Variants in MEF2C observed in about 807,000 individuals in gnomAD.
MEF2C encodes the protein myocyte-specific enhancer factor 2C.
A neutral mutation model predicts 50.5 loss-of-function variants in MEF2C; 6 were observed. The ratio of observed to expected loss-of-function variants is 0.12; its 90% CI spans 0.07 to 0.23. The LOEUF (loss-of-function observed/expected upper bound fraction) is 0.23. Among genes scored for constraint, MEF2C ranks in the 10% least tolerant of loss-of-function variants. The pLI, the probability that MEF2C is intolerant of heterozygous loss-of-function variation, is 1.00. For synonymous variants in MEF2C, 183 were observed against 228.0 expected (o/e 0.80, Z 1.78); for missense variants, 276 against 605.0 (o/e 0.46, Z 5.70).
At chr5:88,856,442 G>C (rs1377188121) in intron 1 of MEF2C, among the ~76,000 whole-genome samples, 2 of 152,184 alleles carry the variant, frequency 1.3e-5, no homozygotes, top group Non-Finnish European at 2.9e-5. Flanking sequence ...CAAGCCAGCT[G>C]CAGAAATTTG....
At chr5:88,842,803 A>G (rs1394727803) in intron 1 of MEF2C, among the ~76,000 whole-genome samples, 2 of 152,204 alleles carry the variant, frequency 1.3e-5, no homozygotes, top group East Asian at 3.8e-4. Context: ...GAATCTAAAT[A>G]ATAATAATCT....
At chr5:88,724,340 T>C (rs193215617) in intron 10 of MEF2C, among the ~76,000 whole-genome samples, 26 of 152,190 alleles carry the variant, frequency 1.7e-4, no homozygotes, top group Admixed American at 8.5e-4. Flanking sequence ...TCAAGATGTA[T>C]AGTGATATAA....
At chr5:88,790,244 A>G (rs1580745105) in intron 3 of MEF2C, among the ~76,000 whole-genome samples, 1 of 152,216 alleles carries the variant, frequency 6.6e-6, no homozygotes, top group African/African-American at 2.4e-5. Flanking sequence ...TTATAGCATG[A>G]TTCTAACCCT....
chr5:88,728,957 A>G (rs980310805), intron 9 of MEF2C, among the ~76,000 whole-genome samples: 1 of 152,196 alleles, frequency 6.6e-6, no homozygotes, highest in African/African-American at 2.4e-5. Flanking sequence ...TGAGCTTTTT[A>G]TTACATCAAA....
intron 5 of MEF2C, chr5:88,751,126 T>C: frequency 2.0e-6 from 2 of 979,318 alleles, no homozygotes; most frequent in Non-Finnish European, 2.4e-6. Flanking sequence ...TTAAATCCAG[T>C]ATCAAAATAG....
chr5:88,821,094 T>TA (rs1345498836), intron 2 of MEF2C, among the ~76,000 whole-genome samples: 1 of 152,090 alleles, frequency 6.6e-6, no homozygotes, highest in South Asian at 2.1e-4. Context: ...CTTCAGAATT[T>TA]AAAAAAATGA....
At chr5:88,731,965 AC>A in intron 6 of MEF2C, 64 bp from the exon 7 acceptor site, 1 of 1,424,874 alleles carries the variant, frequency 7.0e-7, no homozygotes, top group Non-Finnish European at 9.5e-7. Flanking sequence ...TCCGAAGAAT[AC>A]ACAACATGAG....
chr5:88,860,553 T>C (rs1825147439), intron 1 of MEF2C, among the ~76,000 whole-genome samples: 1 of 152,218 alleles, frequency 6.6e-6, no homozygotes. Flanking sequence ...AGTCTTAGGT[T>C]ATGTCTGTGT....
Position 88,889,079 on chromosome 5 carries a change from A to G in MEF2C, c.-239-1481T>C, listed in dbSNP as rs537300814. On this transcript the variant is annotated intron_variant, in intron 1 of 11. Coordinates refer to the MEF2C transcript ENST00000340208. ...GGGTTGTGGTGGAAGTGGGGATTAAAAATCTCGTCCTGCGTTTTGGTGCCC... is the reference window on the plus strand; with the variant it reads ...GGGTTGTGGTGGAAGTGGGGATTAAGAATCTCGTCCTGCGTTTTGGTGCCC... 2.6e-5 allele frequency: 4 copies of G among 152,324 alleles called. No homozygotes were observed. In the East Asian group the frequency reaches 5.8e-4, roughly 22 times the overall value. The allele number at this position is 152,324 out of a possible 1,614,324, so 9.4% of individuals were successfully genotyped here.
rs1463574392 is a variant in MEF2C, at chr5:88,721,275, T to G, written c.*1329A>C. ...AATTCCAAGATGCATGGTGAAATGGTGAGATCAGAAAGGGGCCCTGCATTT... is the reference window on the plus strand; with the variant it reads ...AATTCCAAGATGCATGGTGAAATGGGGAGATCAGAAAGGGGCCCTGCATTT... On this transcript the variant is annotated 3_prime_UTR_variant, in exon 11 of 11. Coordinates refer to ENST00000504921, the MANE Select transcript of MEF2C (RefSeq NM_002397.5). The G allele has an allele frequency of 6.6e-6, 1 of 152,446 alleles. No individual in the cohort carries two copies. Among genetic ancestry groups the G allele is most frequent in the Non-Finnish European group, 1.5e-5 (1 of 67,984 alleles). 9.4% of individuals were successfully genotyped at this position (152,446 alleles called of 1,614,324 possible).
At chr5:88,852,933 T>C (rs148610390) in intron 1 of MEF2C, among the ~76,000 whole-genome samples, 2 of 149,256 alleles carry the variant, frequency 1.3e-5, no homozygotes, top group African/African-American at 4.9e-5. Context: ...AAAAAAAGAA[T>C]GTAGTTCTAG....
intron 1 of MEF2C, among the ~76,000 whole-genome samples, chr5:88,866,926 T>C (rs1827578186): frequency 6.6e-6 from 1 of 152,236 alleles, no homozygotes; most frequent in Non-Finnish European, 1.5e-5. Context: ...TAAATTACTA[T>C]GATTCTTGCA....
chr5:88,748,040 A>T, intron 6 of MEF2C: 1 of 984,214 alleles, frequency 1.0e-6, no homozygotes, highest in Non-Finnish European at 1.2e-6. Flanking sequence ...CTTGTTTGCT[A>T]ATCACTGTGT....
chr5:88,843,878 C>T (rs1184088831), intron 1 of MEF2C, among the ~76,000 whole-genome samples: 5 of 149,786 alleles, frequency 3.3e-5, no homozygotes, highest in East Asian at 2.0e-4. Context: ...GGTGCAATCT[C>T]GGCTCACCGC....
intron 2 of MEF2C, among the ~76,000 whole-genome samples, chr5:88,814,889 TCA>T (rs1804620723): frequency 6.6e-6 from 1 of 152,142 alleles, no homozygotes; most frequent in African/African-American, 2.4e-5. Flanking sequence ...GTTAACTTGA[TCA>T]GGATATAAGA....
At chr5:88,772,386 G>T (rs1782760404) in intron 3 of MEF2C, 1 of 152,234 alleles carries the variant, frequency 6.6e-6, no homozygotes. Flanking sequence ...TTTACGTTCA[G>T]TTGACAGCCA....
intron 3 of MEF2C, among the ~76,000 whole-genome samples, chr5:88,785,699 A>G (rs1562020756): frequency 6.6e-6 from 1 of 152,204 alleles, no homozygotes; most frequent in Admixed American, 6.5e-5. Context: ...ATTTTACAAT[A>G]CTTTCATTTA....
chr5:88,855,067 C>T (rs1413770140), intron 1 of MEF2C, among the ~76,000 whole-genome samples: 1 of 152,194 alleles, frequency 6.6e-6, no homozygotes, highest in Non-Finnish European at 1.5e-5. Context: ...AGAAAGGGTG[C>T]TGGACCCCGT....
chr5:88,734,921 T>C, intron 6 of MEF2C: 1 of 984,512 alleles, frequency 1.0e-6, no homozygotes, highest in Non-Finnish European at 1.2e-6. Flanking sequence ...ATCAAGTTAT[T>C]TTTAAGAACA....
Sources: gnomAD v4.1 joint callset for allele counts (sites outside exome capture counted in the v4.1 genomes callset) on GRCh38, gnomAD v4.1.1 for gene constraint, MANE v1.5 for transcripts, NCBI Gene and HGNC (gene_info 2026-07-23, HGNC 2026-07-21) for gene names.